Variants in FN3KRP observed in about 807,000 individuals in gnomAD.
The protein encoded by FN3KRP is ketosamine-3-kinase.
In FN3KRP, 33 loss-of-function variants were observed where a neutral mutation model predicts 29.8. The observed-to-expected ratio is 1.11, with a 90% CI of 0.84 to 1.48. The LOEUF (loss-of-function observed/expected upper bound fraction) is 1.48, where lower values mean the gene tolerates loss of function less well. Ranked by LOEUF, FN3KRP falls within the 40% of genes most tolerant of loss-of-function variation. The pLI, the probability that FN3KRP is intolerant of heterozygous loss-of-function variation, is 0.00. For synonymous variants in FN3KRP, 157 were observed against 155.2 expected, an observed-to-expected ratio of 1.01 and a Z score of -0.09; for missense variants, 430 against 402.6, an observed-to-expected ratio of 1.07 and a Z score of -0.58.
At chr17:82,719,090 A>G in intron 2 of FN3KRP, 33 bp downstream of exon 2, 1 of 1,496,154 alleles carries the variant, frequency 6.7e-7, no homozygotes, top group Admixed American at 2.0e-5. Flanking sequence ...ACCTGGCTTT[A>G]TTACCTGAGC....
rs1304450733 is a variant in FN3KRP, at chr17:82,720,267, G to C, written c.294-5G>C. 1 of 1,591,690 alleles carries C rather than the reference G, an allele frequency of 6.3e-7. No individual in the cohort carries two copies. Among genetic ancestry groups the C allele is most frequent in the Non-Finnish European group, 8.6e-7 (1 of 1,164,680 alleles). On this transcript the variant is annotated splice_region_variant and splice_polypyrimidine_tract_variant and intron_variant, in intron 2 of 5. Coordinates refer to ENST00000269373, the MANE Select transcript of FN3KRP (RefSeq NM_024619.4). ...CTGTTTAGTTGCTGTCGTTTGATTT[G>C]ACAGTCATGCTGCAAAGCTTGGAGC... is the stretch of plus-strand genomic sequence containing the variant.
chr17:82,717,082 CG>C (rs991505495), intron 1 of FN3KRP, among the ~76,000 whole-genome samples, 186 bp downstream of exon 1: 6 of 152,042 alleles, frequency 3.9e-5, no homozygotes, highest in Non-Finnish European at 2.9e-5. Context: ...GCGGCGGAAG[CG>C]TCCGGGGCGT....
At chr17:82,717,888 G>T (rs2046769274) in intron 1 of FN3KRP, among the ~76,000 whole-genome samples, 1 of 152,030 alleles carries the variant, frequency 6.6e-6, no homozygotes, top group South Asian at 2.1e-4. Context: ...TGTGTACGTT[G>T]TATGTGTGTA....
intron 3 of FN3KRP, among the ~76,000 whole-genome samples, chr17:82,721,588 C>T (rs752164277): frequency 2.0e-5 from 3 of 151,592 alleles, no homozygotes; most frequent in African/African-American, 7.3e-5. Context: ...CTGCAAGCTC[C>T]GCCTCCCGGG....
chr17:82,724,394 T>C (rs1315093089), intron 4 of FN3KRP, among the ~76,000 whole-genome samples: 1 of 151,566 alleles, frequency 6.6e-6, no homozygotes, highest in African/African-American at 2.4e-5. Context: ...TCACGTGAGG[T>C]AGAGTTTGAG....
intron 1 of FN3KRP, 127 bp downstream of exon 1, chr17:82,717,023 C>A: frequency 8.5e-7 from 1 of 1,178,136 alleles, no homozygotes. Context: ...GGACTGCCGC[C>A]GCCGCCCCTT....
chr17:82,717,680 C>A (rs781639317), intron 1 of FN3KRP, among the ~76,000 whole-genome samples: 31 of 152,174 alleles, frequency 2.0e-4, no homozygotes, highest in Non-Finnish European at 3.8e-4. Flanking sequence ...GATCGCGCCA[C>A]TGCACTCCAG....
chr17:82,723,627 A>C (rs1421470598), intron 4 of FN3KRP, among the ~76,000 whole-genome samples: 1 of 151,778 alleles, frequency 6.6e-6, no homozygotes. Context: ...GCATATGTGT[A>C]TGTGTGCACA....
chr17:82,726,761 GT>G lies in FN3KRP; in HGVS notation c.592-71del, dbSNP rs1459804541. 1.1e-5 allele frequency: 17 copies of G among 1,488,914 alleles called. No individual in the cohort carries two copies. The East Asian group carries it at 3.2e-4, about 28-fold the overall frequency. The allele number at this position is 1,488,914 out of a possible 1,614,324, so 92.2% of individuals were successfully genotyped here. On this transcript the variant is annotated intron_variant, in intron 5 of 5. Transcript: ENST00000269373. ...TCCGCTGCTGCCTGGGCTGGGGGCGGTGGGGACCTGGAGCGGCGCCCCTCAT... is the reference window on the plus strand; with the variant it reads ...TCCGCTGCTGCCTGGGCTGGGGGCGGGGGGACCTGGAGCGGCGCCCCTCAT...
chr17:82,717,228 C>T (rs922808070), intron 1 of FN3KRP, among the ~76,000 whole-genome samples: 1 of 152,124 alleles, frequency 6.6e-6, no homozygotes, highest in Non-Finnish European at 1.5e-5. Flanking sequence ...GTCTTGCTCC[C>T]GGGGTTCCTG....
At chr17:82,724,758 G>A (rs1348294340) in intron 4 of FN3KRP, among the ~76,000 whole-genome samples, 1 of 152,170 alleles carries the variant, frequency 6.6e-6, no homozygotes, top group Non-Finnish European at 1.5e-5. Flanking sequence ...TGATGTGAGT[G>A]TGACTTGGGA....
Position 82,722,884 on chromosome 17 carries a change from C to A in FN3KRP, c.466C>A (p.Gln156Lys), listed in dbSNP as rs191683466. 325 of 1,613,832 alleles carry A rather than the reference C, an allele frequency of 2.0e-4. No homozygotes were observed. The East Asian group carries it at 6.1e-3, about 31-fold the overall frequency. The change falls in exon 4 of 6, where the codon CAG becomes AAG. Residue 156 changes from glutamine (Q) to lysine (K), a missense_variant and splice_region_variant. Coordinates refer to ENST00000269373, the MANE Select transcript of FN3KRP (RefSeq NM_024619.4). ...DVVTCCGYLP[Q>K]VNDWQEDWVV... ...GGTGACGTGCTGTGGATACCTCCCC[C>A]AGGTGAGTGCACGGCGTTTGCTTCT...
At chr17:82,723,771 TG>T (rs769955608) in intron 4 of FN3KRP, among the ~76,000 whole-genome samples, 52 of 152,034 alleles carry the variant, frequency 3.4e-4, no homozygotes, top group Non-Finnish European at 7.4e-5. Flanking sequence ...GCTTCCCTCC[TG>T]GGTGGTAAGC....
chr17:82,719,506 A>G (rs900259469), intron 2 of FN3KRP, among the ~76,000 whole-genome samples: 4 of 152,124 alleles, frequency 2.6e-5, no homozygotes, highest in Admixed American at 6.5e-5. Context: ...TGGAATCCCA[A>G]CACTTCGGGA....
chr17:82,722,972 T>G, intron 4 of FN3KRP, 86 bp downstream of exon 4: 1 of 1,220,508 alleles, frequency 8.2e-7, no homozygotes, highest in South Asian at 1.3e-5. Flanking sequence ...CCTCCTTTTT[T>G]TGTGAGCTTC....
At chr17:82,723,321 A>G (rs1362360262) in intron 4 of FN3KRP, among the ~76,000 whole-genome samples, 1 of 152,132 alleles carries the variant, frequency 6.6e-6, no homozygotes, top group Non-Finnish European at 1.5e-5. Context: ...AGATGAACCC[A>G]GAAAACTTGC....
chr17:82,726,248 T>C (rs903202747), intron 4 of FN3KRP, among the ~76,000 whole-genome samples: 3 of 152,174 alleles, frequency 2.0e-5, no homozygotes, highest in African/African-American at 7.2e-5. Context: ...GAGTGGGTCC[T>C]GAAGCATCCC....
chr17:82,716,765 C>T lies in FN3KRP; in HGVS notation c.10C>T (p.Leu4Phe), dbSNP rs1204588713. The T allele has an allele frequency of 1.3e-6, 2 of 1,517,568 alleles. No homozygotes were observed. The highest frequency in any genetic ancestry group is 5.5e-5 in the East Asian group (2 of 36,656). The allele number at this position is 1,517,568 out of a possible 1,614,324, so 94.0% of individuals were successfully genotyped here. MEE[L>F]LRRELGCSSV... ...CGGCCGCGGCGGGAACATGGAGGAGCTCCTGAGGCGCGAGCTGGGCTGCAG... is the reference window on the plus strand; with the variant it reads ...CGGCCGCGGCGGGAACATGGAGGAGTTCCTGAGGCGCGAGCTGGGCTGCAG... The change falls in exon 1 of 6, where the codon CTC becomes TTC. Residue 4 changes from leucine to phenylalanine, a missense_variant. Transcript: ENST00000269373.
chr17:82,720,264 T>C lies in FN3KRP; in HGVS notation c.294-8T>C. ...CATCTGTTTAGTTGCTGTCGTTTGA[T>C]TTGACAGTCATGCTGCAAAGCTTGG... On this transcript the variant is annotated splice_region_variant and splice_polypyrimidine_tract_variant and intron_variant, in intron 2 of 5. Transcript: ENST00000269373. 1 of 1,613,070 alleles carries C rather than the reference T, an allele frequency of 6.2e-7. No individual in the cohort carries two copies. The highest frequency in any genetic ancestry group is 8.5e-7 in the Non-Finnish European group (1 of 1,179,106).
Sources: gnomAD v4.1 joint callset for allele counts (sites outside exome capture counted in the v4.1 genomes callset) on GRCh38, gnomAD v4.1.1 for gene constraint, MANE v1.5 for transcripts, NCBI Gene and HGNC (gene_info 2026-07-23, HGNC 2026-07-21) for gene names.